DPP10: variants seen among roughly 807,000 people sequenced by gnomAD.
DPP10 encodes inactive dipeptidyl peptidase 10.
DPP10 carries 33 observed loss-of-function variants against 120.9 expected under a neutral mutation model. The observed-to-expected ratio is 0.27, with a 90% CI of 0.21 to 0.37. The LOEUF is 0.37. Among genes scored for constraint, DPP10 ranks in the 10% least tolerant of loss-of-function variants. The pLI is 1.00. For synonymous variants in DPP10, 337 were observed against 326.1 expected (o/e 1.03, Z -0.36); for missense variants, 816 against 942.8 (o/e 0.87, Z 1.76).
chr2:115,767,473 A>C (rs74550903), intron 12 of DPP10, among the ~76,000 whole-genome samples: 16 of 150,560 alleles, frequency 1.1e-4, no homozygotes, highest in Non-Finnish European at 1.9e-4. Context: ...ACATACATAT[A>C]TGTGTGTGTG....
intron 1 of DPP10, among the ~76,000 whole-genome samples, chr2:114,611,879 C>T (rs1172751823): frequency 6.6e-6 from 1 of 152,146 alleles, no homozygotes; most frequent in Non-Finnish European, 1.5e-5. Context: ...CTCAGGGCAT[C>T]TAGGAAAGTC....
intron 1 of DPP10, among the ~76,000 whole-genome samples, chr2:114,598,225 T>C (rs1692084311): frequency 6.6e-6 from 1 of 151,934 alleles, no homozygotes; most frequent in Non-Finnish European, 1.5e-5. Flanking sequence ...TTCTACATTT[T>C]AGAGAAACTT....
chr2:115,613,835 G>C (rs189621554), intron 5 of DPP10, among the ~76,000 whole-genome samples: 2 of 152,288 alleles, frequency 1.3e-5, no homozygotes, highest in Admixed American at 6.5e-5. Flanking sequence ...AGGAAGAAAA[G>C]GTACAATAAA....
intron 1 of DPP10, among the ~76,000 whole-genome samples, chr2:114,510,303 G>C (rs1033494799): frequency 6.6e-6 from 1 of 152,182 alleles, no homozygotes; most frequent in South Asian, 2.1e-4. Context: ...TCACAGGCTA[G>C]TTGTATCAAC....
intron 7 of DPP10, among the ~76,000 whole-genome samples, chr2:115,716,540 C>T (rs1257715745): frequency 6.6e-6 from 1 of 152,060 alleles, no homozygotes; most frequent in Non-Finnish European, 1.5e-5. Flanking sequence ...TGATTCTCAT[C>T]CTCAGTCATC....
chr2:115,224,605 A>G (rs1248861548), intron 1 of DPP10, among the ~76,000 whole-genome samples: 1 of 152,160 alleles, frequency 6.6e-6, no homozygotes, highest in Non-Finnish European at 1.5e-5. Flanking sequence ...TAATTGTACA[A>G]CATGGTGATT....
intron 1 of DPP10, among the ~76,000 whole-genome samples, chr2:114,790,294 ACTT>A (rs1335516897): frequency 6.6e-6 from 1 of 152,206 alleles, no homozygotes; most frequent in Non-Finnish European, 1.5e-5. Context: ...GAAAATGGTT[ACTT>A]CTTCTAAGAT....
intron 1 of DPP10, chr2:115,162,369 T>C: frequency 7.3e-7 from 1 of 1,367,502 alleles, no homozygotes; most frequent in Non-Finnish European, 9.6e-7. Flanking sequence ...TGGTTCCCCA[T>C]TAACGCACGC....
chr2:115,796,265 A>G (rs763652431), intron 19 of DPP10, among the ~76,000 whole-genome samples: 14 of 152,070 alleles, frequency 9.2e-5, no homozygotes, highest in Non-Finnish European at 1.8e-4. Context: ...ACTTCCAGAC[A>G]CACTTCCAGA....
chr2:114,869,593 G>A (rs1189718305), intron 1 of DPP10, among the ~76,000 whole-genome samples: 1 of 152,128 alleles, frequency 6.6e-6, no homozygotes, highest in Non-Finnish European at 1.5e-5. Context: ...GTGGTCACAG[G>A]AATCACGGGG....
intron 3 of DPP10, among the ~76,000 whole-genome samples, chr2:115,369,137 T>A (rs1271714021): frequency 1.3e-5 from 2 of 152,038 alleles, no homozygotes; most frequent in African/African-American, 2.4e-5. Context: ...AAATTCACAT[T>A]TCAATATATC....
At chr2:114,752,357 T>G (rs1306329791) in intron 1 of DPP10, among the ~76,000 whole-genome samples, 1 of 152,154 alleles carries the variant, frequency 6.6e-6, no homozygotes, top group Non-Finnish European at 1.5e-5. Flanking sequence ...TCTCCCAACC[T>G]TTTAGACACT....
At chr2:115,033,691 T>C (rs1215052565) in intron 1 of DPP10, among the ~76,000 whole-genome samples, 1 of 100,222 alleles carries the variant, frequency 1.0e-5, no homozygotes, top group East Asian at 3.2e-4. Flanking sequence ...CGCAATATCT[T>C]CCCTCCTTTT....
At chr2:115,061,816 G>A (rs1706427150) in intron 1 of DPP10, among the ~76,000 whole-genome samples, 1 of 152,114 alleles carries the variant, frequency 6.6e-6, no homozygotes, top group Non-Finnish European at 1.5e-5. Flanking sequence ...GTGAGAATGA[G>A]CACAGCATGT....
At chr2:115,514,006 T>G (rs962958426) in intron 4 of DPP10, among the ~76,000 whole-genome samples, 3 of 151,968 alleles carry the variant, frequency 2.0e-5, no homozygotes, top group African/African-American at 7.2e-5. Context: ...TTCTCCTTCC[T>G]TTATGAGAGA....
intron 7 of DPP10, among the ~76,000 whole-genome samples, chr2:115,703,503 A>G (rs2091974298): frequency 6.6e-6 from 1 of 152,034 alleles, no homozygotes; most frequent in Non-Finnish European, 1.5e-5. Context: ...GACAAGTATT[A>G]ATGAATTGAT....
At chr2:114,534,389 C>A (rs1036633171) in intron 1 of DPP10, among the ~76,000 whole-genome samples, 2 of 152,152 alleles carry the variant, frequency 1.3e-5, no homozygotes, top group African/African-American at 2.4e-5. Context: ...ACCTAGGTAC[C>A]TGTTCATGAT....
At chr2:115,131,887 G>A (rs532428665) in intron 1 of DPP10, 2 of 151,312 alleles carry the variant, frequency 1.3e-5, no homozygotes, top group South Asian at 2.1e-4. Context: ...TCAGGAGTTC[G>A]AGGTCAGCCG....
chr2:115,149,773 C>T lies in DPP10; in HGVS notation c.61-159466C>T, dbSNP rs567004577. 3.9e-5 allele frequency among the ~76,000 whole-genome samples: 6 copies of T among 152,312 alleles called. No homozygotes were observed. The South Asian group carries it at 1.0e-3, about 26-fold the overall frequency. On this transcript the variant is annotated intron_variant, in intron 1 of 25. Transcript: ENST00000410059. Reference sequence around the variant, plus strand: ...GCTACTAGGGTTGCCAAAGTTAGCACATAAAAATACAAGCCACGTAGTCAC... The same window carrying T: ...GCTACTAGGGTTGCCAAAGTTAGCATATAAAAATACAAGCCACGTAGTCAC...
Sources: gnomAD v4.1 joint callset for allele counts (sites outside exome capture counted in the v4.1 genomes callset) on GRCh38, gnomAD v4.1.1 for gene constraint, MANE v1.5 for transcripts, NCBI Gene and HGNC (gene_info 2026-07-23, HGNC 2026-07-21) for gene names.